TRPM3: variants seen among roughly 807,000 people sequenced by gnomAD.
TRPM3 encodes the protein long transient receptor potential channel 3.
In TRPM3, 77 loss-of-function variants were observed where a neutral mutation model predicts 181.2. The ratio of observed to expected loss-of-function variants is 0.42; its 90% confidence interval spans 0.35 to 0.51. TRPM3 has a LOEUF of 0.51. Among genes scored for constraint, TRPM3 ranks in the 20% least tolerant of loss-of-function variants. The probability of loss-of-function intolerance (pLI) is 0.01; values close to 1 mark genes in which losing one functional copy is unlikely to be tolerated. For synonymous variants in TRPM3, 745 were observed against 796.4 expected (o/e 0.94, Z 1.09); for missense variants, 1,759 against 2,196.7 (o/e 0.80, Z 3.98).
intron 1 of TRPM3, among the ~76,000 whole-genome samples, chr9:71,074,430 T>C (rs930710600): frequency 2.0e-5 from 3 of 152,168 alleles, no homozygotes; most frequent in Non-Finnish European, 4.4e-5. Context: ...GTTTTGGTTT[T>C]CTTGGGCCCT....
chr9:71,203,314 A>T (rs532873745), intron 1 of TRPM3, among the ~76,000 whole-genome samples: 100 of 152,268 alleles, frequency 6.6e-4, no homozygotes, highest in African/African-American at 2.2e-3. Flanking sequence ...CTTTCACAGG[A>T]CCATTGTGCC....
chr9:71,399,163 G>C lies in TRPM3; in HGVS notation c.183+47490C>G, dbSNP rs529799223. Among the ~76,000 whole-genome samples, 71 of 152,116 alleles carry C rather than the reference G, an allele frequency of 4.7e-4. No homozygotes were observed. In the South Asian group the frequency reaches 0.01, roughly 22 times the overall value. ...ATGACAACCTAATGGTACAAAATAG[G>C]AGACTAAGATAGTATAATTATATAA... On this transcript the variant is annotated intron_variant, in intron 1 of 24. Coordinates refer to the TRPM3 transcript ENST00000357533.
chr9:71,429,763 C>T lies in TRPM3; in HGVS notation c.183+16890G>A, dbSNP rs146745307. Among the ~76,000 whole-genome samples, 1,486 of 152,250 alleles carry T rather than the reference C, an allele frequency of 9.8e-3. 10 individuals carry two copies. Among genetic ancestry groups the T allele is most frequent in the Non-Finnish European group, 0.013 (912 of 68,020 alleles). ...ATAGATTGAGGGGAGCATTTGTGCA[C>T]ATAGGTTTGGAGTCAGACCTGGGTT... On this transcript the variant is annotated intron_variant, in intron 1 of 24. Transcript: ENST00000357533.
chr9:71,433,340 C>T (rs370192650), intron 1 of TRPM3, among the ~76,000 whole-genome samples: 5 of 152,192 alleles, frequency 3.3e-5, no homozygotes, highest in African/African-American at 1.2e-4. Flanking sequence ...TGAGTTCTCA[C>T]AAGATCTGAT....
At chr9:70,592,696 G>A (rs949069110) in intron 21 of TRPM3, among the ~76,000 whole-genome samples, 24 of 152,122 alleles carry the variant, frequency 1.6e-4, no homozygotes, top group Admixed American at 2.0e-4. Flanking sequence ...AATGATAATG[G>A]AGGCTTCAAA....
At chr9:70,908,151 T>C (rs1368370930) in intron 1 of TRPM3, among the ~76,000 whole-genome samples, 3 of 152,168 alleles carry the variant, frequency 2.0e-5, no homozygotes, top group African/African-American at 7.2e-5. Context: ...TACACATAAA[T>C]CAATGTCATA....
At chr9:71,070,847 AAC>A (rs2062668719) in intron 1 of TRPM3, among the ~76,000 whole-genome samples, 1 of 152,172 alleles carries the variant, frequency 6.6e-6, no homozygotes, top group African/African-American at 2.4e-5. Context: ...AGCTTTTTTC[AAC>A]ACAACTGATG....
At chr9:70,979,582 A>G (rs2097342567) in intron 1 of TRPM3, among the ~76,000 whole-genome samples, 1 of 152,184 alleles carries the variant, frequency 6.6e-6, no homozygotes, top group African/African-American at 2.4e-5. Flanking sequence ...AGTAATTTAA[A>G]TTGACAATCC....
chr9:70,900,610 T>G (rs975821542), intron 1 of TRPM3, among the ~76,000 whole-genome samples: 1 of 152,190 alleles, frequency 6.6e-6, no homozygotes, highest in African/African-American at 2.4e-5. Flanking sequence ...TAATTTCTAG[T>G]TTTTTTCCCA....
At chr9:70,541,373 C>T (rs987527321) in intron 25 of TRPM3, among the ~76,000 whole-genome samples, 6 of 152,154 alleles carry the variant, frequency 3.9e-5, no homozygotes, top group Non-Finnish European at 7.4e-5. Context: ...GTTCAACAAA[C>T]TTACCATGAA....
intron 20 of TRPM3, among the ~76,000 whole-genome samples, chr9:70,600,572 G>A (rs2059717058): frequency 6.6e-6 from 1 of 152,150 alleles, no homozygotes; most frequent in South Asian, 2.1e-4. Context: ...GTAAAATATA[G>A]ATGCTGGGCC....
At chr9:71,245,179 T>C (rs1565379520) in intron 1 of TRPM3, among the ~76,000 whole-genome samples, 1 of 152,160 alleles carries the variant, frequency 6.6e-6, no homozygotes, top group Admixed American at 6.5e-5. Flanking sequence ...CTGGGTATGG[T>C]AGCTCATGCC....
At chr9:71,165,087 G>A (rs1385331204) in intron 1 of TRPM3, among the ~76,000 whole-genome samples, 2 of 152,088 alleles carry the variant, frequency 1.3e-5, no homozygotes, top group Non-Finnish European at 2.9e-5. Context: ...TTATGATAAG[G>A]ACAATCAGTA....
chr9:70,940,150 C>T (rs11142648), intron 1 of TRPM3, among the ~76,000 whole-genome samples: 38,248 of 151,988 alleles, frequency 0.25, 5,105 homozygotes, highest in Admixed American at 0.34. Context: ...TATGTGCCAG[C>T]CTCTGTTAGA....
intron 1 of TRPM3, among the ~76,000 whole-genome samples, chr9:71,258,072 G>A (rs546668021): frequency 1.3e-5 from 2 of 152,246 alleles, no homozygotes; most frequent in South Asian, 4.1e-4. Context: ...TTTTCTAAGA[G>A]TGGATAAAAG....
chr9:70,653,156 G>A (rs1490979831), intron 9 of TRPM3, among the ~76,000 whole-genome samples: 1 of 152,072 alleles, frequency 6.6e-6, no homozygotes, highest in Non-Finnish European at 1.5e-5. Flanking sequence ...CAAGAAGAGA[G>A]GTCTTTAGAG....
chr9:70,921,942 A>ACACAC lies in TRPM3; in HGVS notation c.178-57432_178-57431insGTGTG, dbSNP rs1554770509. 7.3e-3 allele frequency among the ~76,000 whole-genome samples: 1,018 copies of ACACAC among 139,482 alleles called. 13 individuals are homozygous for ACACAC. Among genetic ancestry groups the ACACAC allele is most frequent in the African/African-American group, 0.014 (499 of 36,732 alleles). 91.5% of individuals were successfully genotyped at this position (139,482 alleles called of 152,430 possible). A position where few individuals can be genotyped will look rare whatever the true frequency, so the allele number is the denominator to read the frequency against. On this transcript the variant is annotated intron_variant, in intron 1 of 25. Coordinates refer to ENST00000677713, the MANE Select transcript of TRPM3 (RefSeq NM_001366145.2). The stretch of plus-strand genomic sequence containing the variant: ...ATACACACACACACACACACAAACA[A>ACACAC]ACACACACACACACACACACACACA...
At chr9:70,909,687 T>C (rs2096517671) in intron 1 of TRPM3, among the ~76,000 whole-genome samples, 1 of 152,096 alleles carries the variant, frequency 6.6e-6, no homozygotes, top group African/African-American at 2.4e-5. Flanking sequence ...CTTGATGAGG[T>C]TCTTTGAAGA....
intron 1 of TRPM3, among the ~76,000 whole-genome samples, chr9:71,102,748 C>T (rs1465850098): frequency 6.6e-6 from 1 of 152,152 alleles, no homozygotes; most frequent in Non-Finnish European, 1.5e-5. Flanking sequence ...TCTTCTACTA[C>T]ATTTTTATTA....
Sources: allele counts gnomAD v4.1 joint callset (sites outside exome capture counted in the v4.1 genomes callset), GRCh38; gene constraint gnomAD v4.1.1; transcripts MANE v1.5; gene names NCBI Gene and HGNC (gene_info 2026-07-23, HGNC 2026-07-21).